RMDN1: variants seen among roughly 807,000 people sequenced by gnomAD.
The protein encoded by RMDN1 is regulator of microtubule dynamics 1.
In RMDN1, 48 loss-of-function variants were observed where a neutral mutation model predicts 48.9. The observed-to-expected ratio is 0.98, with a 90% confidence interval of 0.78 to 1.25. The LOEUF (loss-of-function observed/expected upper bound fraction) is 1.25, where lower values mean the gene tolerates loss of function less well. Ranked by LOEUF, RMDN1 falls within the 50% of genes most tolerant of loss-of-function variation. RMDN1 has a pLI of 0.00. For missense variants in RMDN1, 418 were observed against 373.4 expected (o/e 1.12, Z -0.98); for synonymous variants, 148 against 132.6 (o/e 1.12, Z -0.80).
In RMDN1 at chr8:86,486,595, T is replaced by G. The variant is rs1291747004; in HGVS notation, c.384A>C (p.Val128=). Residue 128 remains valine, a synonymous_variant, in exon 4 of 10, where the codon GTA becomes GTC. Coordinates refer to ENST00000406452, the MANE Select transcript of RMDN1 (RefSeq NM_016033.3). ...LWRLARASRD[V]AQLSRTSEEE... is the part of the protein sequence containing the mutation. ...CTTCTGAGGTTCTGCTAAGCTGAGC[T>G]ACATCACGTGATGCCCGTGCCAAAC... The G allele has an allele frequency of 6.2e-7, 1 of 1,611,646 alleles. No homozygotes were observed. Among genetic ancestry groups the G allele is most frequent in the African/African-American group, 1.3e-5 (1 of 74,914 alleles).
At chr8:86,510,793 T>C (rs1337091600), upstream of RMDN1, among the ~76,000 whole-genome samples, 3 of 152,152 alleles carry the variant, frequency 2.0e-5, no homozygotes, top group Non-Finnish European at 2.9e-5. Context: ...AGTTGGAGTG[T>C]GGAGTTTCAG....
chr8:86,503,366 C>CAAAAAAAAAAAAAAAAAAAAAAAA (rs1354324383), intron 2 of RMDN1, among the ~76,000 whole-genome samples: 16 of 70,446 alleles, frequency 2.3e-4, no homozygotes, highest in Non-Finnish European at 4.7e-4. Context: ...CAAAACAAAA[C>CAAAAAAAAAAAAAAAAAAAAAAAA]AAAACAAAAA....
chr8:86,474,822 G>A lies in RMDN1; in HGVS notation c.892C>T (p.Gln298Ter), dbSNP rs765215692. ...DYPAHTEEDKQIQTEAAQLLT... is the reference protein window; with the variant it reads ...DYPAHTEEDK ...TTACTTTATGGGAGATGTTTTACCT[G>A]TTTATCCTCCTCTGTGTGTGCTGGA... Residue 298 changes from glutamine to a stop codon, truncating the protein, a stop_gained and splice_region_variant, in exon 9 of 10, where the codon CAG (glutamine) becomes TAG (stop). Coordinates refer to ENST00000406452, the MANE Select transcript of RMDN1 (RefSeq NM_016033.3). LOFTEE classifies it high-confidence loss of function. The A allele has an allele frequency of 1.9e-6, 3 of 1,605,840 alleles. No homozygotes were observed. Among genetic ancestry groups the A allele is most frequent in the Non-Finnish European group, 2.5e-6 (3 of 1,177,532 alleles).
chr8:86,481,527 A>T (rs1422039072), intron 5 of RMDN1, among the ~76,000 whole-genome samples: 1 of 145,878 alleles, frequency 6.9e-6, no homozygotes, highest in East Asian at 2.1e-4. Flanking sequence ...ATCACAATGG[A>T]TGCCTGGGGG....
chr8:86,497,940 T>C (rs1817635748), intron 2 of RMDN1, among the ~76,000 whole-genome samples: 2 of 150,846 alleles, frequency 1.3e-5, no homozygotes, highest in Non-Finnish European at 3.0e-5. Flanking sequence ...ACTGAAAATA[T>C]AAAAAATTAG....
rs141828842 is a variant in RMDN1 at position 86,473,256 on chromosome 8, CT to C, written c.*1051del. ...AAATCCACCTACACACACAGTCTGTCTTTATCTAAGTGGATTCAAGATGCTC... is the reference window on the plus strand; with the variant it reads ...AAATCCACCTACACACACAGTCTGTCTTATCTAAGTGGATTCAAGATGCTC... On this transcript the variant is annotated 3_prime_UTR_variant, in exon 10 of 10. Transcript: ENST00000406452. 3.1e-3 allele frequency: 3,053 copies of C among 985,366 alleles called. 78 individuals are homozygous for C. In the African/African-American group the frequency reaches 0.05, roughly 16 times the overall value. 61.0% of individuals were successfully genotyped at this position (985,366 alleles called of 1,614,324 possible).
At chr8:86,500,530 TA>T (rs34024970) in intron 2 of RMDN1, among the ~76,000 whole-genome samples, 39,684 of 144,326 alleles carry the variant, frequency 0.27, 6,032 homozygotes, top group East Asian at 0.54. Context: ...AAAAAATAAT[TA>T]AAAAAAAAAA....
intron 2 of RMDN1, among the ~76,000 whole-genome samples, chr8:86,497,981 A>G (rs975708131): frequency 6.6e-6 from 1 of 151,944 alleles, no homozygotes; most frequent in Non-Finnish European, 1.5e-5. Flanking sequence ...CTGTGATCCC[A>G]GCTACTCGGG....
downstream of RMDN1, among the ~76,000 whole-genome samples, chr8:86,471,679 A>AAAG (rs1421098428): frequency 6.6e-6 from 1 of 152,230 alleles, no homozygotes; most frequent in East Asian, 1.9e-4. Context: ...ATATAAATGA[A>AAAG]AAGAGCCAAG....
chr8:86,479,350 T>TA (rs1435303811), intron 6 of RMDN1, among the ~76,000 whole-genome samples: 1 of 152,126 alleles, frequency 6.6e-6, no homozygotes, highest in Non-Finnish European at 1.5e-5. Flanking sequence ...ATTTTTCTTA[T>TA]AAGAAAAACT....
At chr8:86,486,075 T>A (rs891340201) in intron 4 of RMDN1, among the ~76,000 whole-genome samples, 10 of 152,216 alleles carry the variant, frequency 6.6e-5, no homozygotes, top group Non-Finnish European at 1.5e-5. Flanking sequence ...AGGTCTCAGT[T>A]GTCTAGCTGT....
intron 2 of RMDN1, among the ~76,000 whole-genome samples, chr8:86,505,994 C>T (rs1819276286): frequency 6.6e-6 from 1 of 152,106 alleles, no homozygotes; most frequent in African/African-American, 2.4e-5. Flanking sequence ...CTAATATGGG[C>T]ATTGTAGTTA....
At chr8:86,482,872 T>A in intron 5 of RMDN1, 1 of 1,146,628 alleles carries the variant, frequency 8.7e-7, no homozygotes, top group Non-Finnish European at 1.3e-6. Context: ...CAGAAGGCCC[T>A]GGGGTCCCAG....
intron 2 of RMDN1, chr8:86,504,633 T>G: frequency 1.1e-6 from 1 of 897,598 alleles, no homozygotes; most frequent in South Asian, 1.3e-5. Context: ...TGCTCATGAC[T>G]GTTTGTTATT....
chr8:86,477,047 C>T (rs1235207184), intron 8 of RMDN1, among the ~76,000 whole-genome samples: 3 of 152,084 alleles, frequency 2.0e-5, no homozygotes, highest in African/African-American at 4.8e-5. Context: ...AGAGACTGCT[C>T]TCACAAAGGA....
intron 2 of RMDN1, among the ~76,000 whole-genome samples, chr8:86,491,692 GTA>G: frequency 6.6e-6 from 1 of 152,232 alleles, no homozygotes; most frequent in African/African-American, 2.4e-5. Context: ...ACCTAAAACT[GTA>G]TAGTGAAATC....
chr8:86,508,383 G>T, intron 1 of RMDN1, 109 bp downstream of exon 1: 1 of 1,246,468 alleles, frequency 8.0e-7, no homozygotes. Flanking sequence ...TTCTTTCCTC[G>T]GTTCACCACA....
chr8:86,468,661 C>T (rs7017706), downstream of RMDN1: 139,470 of 455,722 alleles, frequency 0.31, 24,859 homozygotes, highest in Admixed American at 0.55. Flanking sequence ...GTGCTGGTCT[C>T]CCTCAAGTAA....
downstream of RMDN1, chr8:86,470,481 G>C (rs565749356): frequency 8.5e-6 from 10 of 1,179,018 alleles, no homozygotes; most frequent in East Asian, 5.8e-4. Context: ...TCTTGCAGAA[G>C]AAACCTAACC....
Sources: gnomAD v4.1 joint callset for allele counts (sites outside exome capture counted in the v4.1 genomes callset) on GRCh38, gnomAD v4.1.1 for gene constraint, MANE v1.5 for transcripts, NCBI Gene and HGNC (gene_info 2026-07-23, HGNC 2026-07-21) for gene names.